The following ZNF48 variants were observed in gnomAD, a reference collection of about 807,000 sequenced individuals.
The protein encoded by ZNF48 is zinc finger protein 48, also known as zinc finger protein 553.
A neutral mutation model predicts 40.0 loss-of-function variants in ZNF48; 20 were observed. That is an observed-to-expected ratio of 0.50 (90% CI 0.35 to 0.73). The LOEUF is 0.73. Ranked by LOEUF, ZNF48 falls within the 30% of genes least tolerant of loss-of-function variation. ZNF48 has a pLI of 0.01. For synonymous variants in ZNF48, 298 were observed against 329.7 expected (o/e 0.90, Z 1.04); for missense variants, 726 against 851.9 (o/e 0.85, Z 1.84).
At position 30,397,192 on chromosome 16, in the gene ZNF48, G is replaced by A; in HGVS notation, c.80-138G>A. 2 of 740,034 alleles carry A rather than the reference G, an allele frequency of 2.7e-6. No homozygotes were observed. Among genetic ancestry groups the A allele is most frequent in the Non-Finnish European group, 4.4e-6 (2 of 451,644 alleles). The allele number at this position is 740,034 out of a possible 1,614,324, so 45.8% of individuals were successfully genotyped here. On this transcript the variant is annotated intron_variant, in intron 2 of 2. Transcript: ENST00000613509. This position sits in a 1 kb window ranked among gnomAD's most constrained non-coding sequence, Gnocchi z 4.1. ...TTATTGAGAGGCACAGATAGTAAGT[G>A]CACCAGAGGTTGAGAGGACAGAGAG...
At chr16:30,391,542 A>C (rs1361122305), upstream of ZNF48, among the ~76,000 whole-genome samples, 2 of 144,614 alleles carry the variant, frequency 1.4e-5, no homozygotes, top group African/African-American at 2.6e-5. Context: ...GTTGCCCAGA[A>C]CGGAATGCAG....
chr16:30,379,824 C>T lies in ZNF48; in HGVS notation c.-16+1414C>T, dbSNP rs548084031. 3 of 696,366 alleles carry T rather than the reference C, an allele frequency of 4.3e-6. No individual in the cohort carries two copies. The African/African-American group carries it at 5.3e-5, about 12-fold the overall frequency. The allele number at this position is 696,366 out of a possible 1,614,324, so 43.1% of individuals were successfully genotyped here. ...GTCTCGCCATGTTGCCCAGGCTGGT[C>T]TGGAACTCCTGACCTCAGGGGATCC... is the stretch of plus-strand genomic sequence containing the variant. On this transcript the variant is annotated intron_variant, in intron 1 of 2. Transcript: ENST00000528032.
At chr16:30,388,274 T>C (rs915386030) in intron 1 of ZNF48, among the ~76,000 whole-genome samples, 3 of 152,184 alleles carry the variant, frequency 2.0e-5, no homozygotes, top group African/African-American at 7.2e-5. Flanking sequence ...ACGCCAGGCC[T>C]GTTCTCTACA....
rs2049977838 is a variant in ZNF48, at chr16:30,395,770, C to G, written c.-15-10C>G. On this transcript the variant is annotated splice_polypyrimidine_tract_variant and intron_variant, in intron 1 of 2. Coordinates refer to ENST00000613509, the MANE Select transcript of ZNF48 (RefSeq NM_001214909.2). The surrounding 1 kb of genome is among the most constrained non-coding windows in gnomAD (Gnocchi z 5.9). ...CGTGACCGCGGGATGCTGTCTGTCC[C>G]CTTGCTCAGGGCGGCGTGCCGGCGA... The G allele has an allele frequency of 5.2e-6, 8 of 1,526,332 alleles. No individual in the cohort carries two copies. Among genetic ancestry groups the G allele is most frequent in the Non-Finnish European group, 7.0e-6 (8 of 1,138,570 alleles). 94.5% of individuals were successfully genotyped at this position (1,526,332 alleles called of 1,614,324 possible).
chr16:30,395,648 A>G lies in ZNF48; in HGVS notation c.-16+70A>G. On this transcript the variant is annotated intron_variant, in intron 1 of 2. Transcript: ENST00000613509. This position sits in a 1 kb window ranked among gnomAD's most constrained non-coding sequence, Gnocchi z 5.9. ...GCGGCCGGCGGCGCGGGCAGGGGGC[A>G]CCGGGAGCCGCGCCCGTACCTGGGA... is the stretch of plus-strand genomic sequence containing the variant. 1.2e-5 allele frequency: 7 copies of G among 581,438 alleles called. No individual in the cohort carries two copies. Among genetic ancestry groups the G allele is most frequent in the Non-Finnish European group, 1.7e-5 (7 of 423,640 alleles). The allele number at this position is 581,438 out of a possible 1,614,324, so 36.0% of individuals were successfully genotyped here.
At position 30,398,533 on chromosome 16, in the gene ZNF48, G is replaced by A. The variant is rs751313600; in HGVS notation, c.1283G>A (p.Gly428Asp). Residue 428 changes from glycine to aspartate, a missense_variant, in exon 3 of 3, where the codon GGC becomes GAC. Physicochemically the swap from Gly to Asp is moderately conservative, Grantham distance 94 (BLOSUM62 -1). Transcript: ENST00000613509. This position sits in a 1 kb window ranked among gnomAD's most constrained non-coding sequence, Gnocchi z 6.6. ...TCGGGTGAGCCTTTTGGCCTGCCTG[G>A]CTTGGAGCCAGAGCCTGGGGGCCCA... ...SHSGEPFGLP[G>D]LEPEPGGPQA... 6.2e-7 allele frequency: 1 copy of A among 1,606,100 alleles called. No homozygotes were observed. The highest frequency in any genetic ancestry group is 8.5e-7 in the Non-Finnish European group (1 of 1,176,388).
At chr16:30,387,290 C>T (rs2049909449) in intron 1 of ZNF48, among the ~76,000 whole-genome samples, 2 of 145,476 alleles carry the variant, frequency 1.4e-5, no homozygotes, top group South Asian at 2.3e-4. Context: ...CGCCATGGCT[C>T]ACTCCTGTAA....
At chr16:30,384,975 G>A (rs577293714) in intron 1 of ZNF48, among the ~76,000 whole-genome samples, 1 of 151,960 alleles carries the variant, frequency 6.6e-6, no homozygotes, top group African/African-American at 2.4e-5. Flanking sequence ...TCAGGAGTTC[G>A]AGACCAGCCT....
At position 30,381,821 on chromosome 16, in the gene ZNF48, T is replaced by G; in HGVS notation, c.-16+3411T>G. The G allele has an allele frequency of 1.2e-6, 2 of 1,614,138 alleles. No homozygotes were observed. The highest frequency in any genetic ancestry group is 1.7e-6 in the Non-Finnish European group (2 of 1,180,022). ...GTGTCCACAAGGGTCAGCTTCACTT[T>G]CACACCCCCTTCCTCAATCTCTACG... On this transcript the variant is annotated intron_variant, in intron 1 of 2. Coordinates refer to the ZNF48 transcript ENST00000528032. This position sits in a 1 kb window ranked among gnomAD's most constrained non-coding sequence, Gnocchi z 4.3.
At chr16:30,385,340 A>C (rs1371930308) in intron 1 of ZNF48, among the ~76,000 whole-genome samples, 1 of 151,924 alleles carries the variant, frequency 6.6e-6, no homozygotes, top group Non-Finnish European at 1.5e-5. Context: ...TAAAATTCTG[A>C]AATCAGCCGG....
At position 30,398,073 on chromosome 16, in the gene ZNF48, T is replaced by C; in HGVS notation, c.823T>C (p.Tyr275His). The C allele has an allele frequency of 6.2e-7, 1 of 1,613,278 alleles. No individual in the cohort carries two copies. Among genetic ancestry groups the C allele is most frequent in the Non-Finnish European group, 8.5e-7 (1 of 1,179,552 alleles). The change falls in exon 3 of 3, where the codon TAT (tyrosine) becomes CAT (histidine). Residue 275 changes from tyrosine (Y) to histidine (H), a missense_variant. Tyr to His is a moderately conservative substitution (Grantham distance 83). Transcript: ENST00000613509. The surrounding 1 kb of genome is among the most constrained non-coding windows in gnomAD (Gnocchi z 6.6). ...GGGACCGAAGGCCCAGGACAAGCCA[T>C]ATATCTGCACTGATTGCGGCAAGAG... ...TQGPKAQDKP[Y>H]ICTDCGKRFV...
Position 30,398,007 on chromosome 16 carries a change from C to G in ZNF48, c.757C>G (p.Pro253Ala). 1 of 1,612,772 alleles carries G rather than the reference C, an allele frequency of 6.2e-7. No homozygotes were observed. The highest frequency in any genetic ancestry group is 1.7e-4 in the Middle Eastern group (1 of 6,056). The stretch of plus-strand genomic sequence containing the variant: ...GGAGCAGCCCCCCCGACCAGTGGTG[C>G]CCCGACGGCAGCCATCTCGGGCAGC... ...RGEQPPRPVV[P>A]RRQPSRAATA... Residue 253 changes from proline to alanine, a missense_variant, in exon 3 of 3, where the codon CCC (proline) becomes GCC (alanine). Pro to Ala is a conservative substitution (Grantham distance 27). Transcript: ENST00000613509. This position sits in a 1 kb window ranked among gnomAD's most constrained non-coding sequence, Gnocchi z 6.6.
chr16:30,382,939 G>A lies in ZNF48; in HGVS notation c.-16+4529G>A, dbSNP rs899344707. On this transcript the variant is annotated intron_variant, in intron 1 of 2. Coordinates refer to the ZNF48 transcript ENST00000528032. The surrounding 1 kb of genome is among the most constrained non-coding windows in gnomAD (Gnocchi z 4.8). Reference sequence around the variant, plus strand: ...CTGTAATCTCAGCACTTTGGGAGGCGGAGGAGGGAGGACAGCTTGAGCCAA... The same window carrying A: ...CTGTAATCTCAGCACTTTGGGAGGCAGAGGAGGGAGGACAGCTTGAGCCAA... 8.6e-6 allele frequency: 6 copies of A among 700,892 alleles called. No homozygotes were observed. The highest frequency in any genetic ancestry group is 2.7e-5 in the East Asian group (1 of 36,868). 43.4% of individuals were successfully genotyped at this position (700,892 alleles called of 1,614,324 possible). A position where few individuals can be genotyped will look rare whatever the true frequency, so the allele number is the denominator to read the frequency against.
chr16:30,398,153 G>A lies in ZNF48; in HGVS notation c.903G>A (p.Lys301=). Residue 301 remains lysine (K), a synonymous_variant, in exon 3 of 3, where the codon AAG becomes AAA. Transcript: ENST00000613509. This position sits in a 1 kb window ranked among gnomAD's most constrained non-coding sequence, Gnocchi z 6.6. ...ACCAGCGTAGTCACTTGGGGCCCAAGCCCTTTGGCTGTGATGTGTGTGGAA... is the reference window on the plus strand; with the variant it reads ...ACCAGCGTAGTCACTTGGGGCCCAAACCCTTTGGCTGTGATGTGTGTGGAA... ...LSHQRSHLGP[K]PFGCDVCGKE... The A allele has an allele frequency of 6.2e-7, 1 of 1,613,932 alleles. No individual in the cohort carries two copies.
At position 30,398,632 on chromosome 16, in the gene ZNF48, G is replaced by T; in HGVS notation, c.1382G>T (p.Arg461Leu). 1.9e-6 allele frequency: 3 copies of T among 1,613,206 alleles called. No individual in the cohort carries two copies. The highest frequency in any genetic ancestry group is 8.5e-7 in the Non-Finnish European group (1 of 1,179,962). ...TGCCCTGAGTGTGGCAAGGGCTTCC[G>T]CCGAAGCTCTGACCTGGTGAAACAC... ...HKCPECGKGF[R>L]RSSDLVKHHR... The change falls in exon 3 of 3, where the codon CGC (arginine) becomes CTC (leucine). Residue 461 changes from arginine (R) to leucine (L), a missense_variant. By Grantham distance (102) the Arg-to-Leu change is moderately radical (BLOSUM62 -2). Coordinates refer to ENST00000613509, the MANE Select transcript of ZNF48 (RefSeq NM_001214909.2). The surrounding 1 kb of genome is among the most constrained non-coding windows in gnomAD (Gnocchi z 6.6).
rs373569524 is a variant in ZNF48 at position 30,382,203 on chromosome 16, G to C, written c.-16+3793G>C. The stretch of plus-strand genomic sequence containing the variant: ...CCCTGTGGACAGAACAGGCCCAACT[G>C]GTCAGGGGAGGGGACAGCCAGGGCC... On this transcript the variant is annotated intron_variant, in intron 1 of 2. Coordinates refer to the ZNF48 transcript ENST00000528032. The surrounding 1 kb of genome is among the most constrained non-coding windows in gnomAD (Gnocchi z 4.8). 389 of 1,612,624 alleles carry C rather than the reference G, an allele frequency of 2.4e-4. 1 individual carries two copies. The highest frequency in any genetic ancestry group is 3.2e-4 in the Non-Finnish European group (373 of 1,179,090).
chr16:30,385,627 A>T (rs2049895277), intron 1 of ZNF48, among the ~76,000 whole-genome samples: 1 of 151,882 alleles, frequency 6.6e-6, no homozygotes, highest in African/African-American at 2.4e-5. Flanking sequence ...CTGTCTCAAA[A>T]AAAAGGAAAA....
chr16:30,381,510 AG>A lies in ZNF48; in HGVS notation c.-16+3102del. On this transcript the variant is annotated intron_variant, in intron 1 of 2. Coordinates refer to the ZNF48 transcript ENST00000528032. This position sits in a 1 kb window ranked among gnomAD's most constrained non-coding sequence, Gnocchi z 4.3. ...GAGAGGATGTGAGGTCAGAGATCAAAGGCCAGAGGGCAGGGGGCAAGGCTAG... is the reference window on the plus strand; with the variant it reads ...GAGAGGATGTGAGGTCAGAGATCAAAGCCAGAGGGCAGGGGGCAAGGCTAG... The A allele has an allele frequency of 6.2e-7, 1 of 1,612,436 alleles. No homozygotes were observed. Among genetic ancestry groups the A allele is most frequent in the Non-Finnish European group, 8.5e-7 (1 of 1,178,908 alleles).
rs2151119998 is a variant in ZNF48, at chr16:30,399,717, T to TA, written c.*611dup. The TA allele has an allele frequency of 1.3e-5, 2 of 152,698 alleles. No homozygotes were observed. Among genetic ancestry groups the TA allele is most frequent in the South Asian group, 4.1e-4 (2 of 4,840 alleles). 9.5% of individuals were successfully genotyped at this position (152,698 alleles called of 1,614,324 possible). A position where few individuals can be genotyped will look rare whatever the true frequency, so the allele number is the denominator to read the frequency against. ...CAAATACTGCTGTGTGGCATGGTGGTACCCACCCCTATGGAGGGGCACTCT... is the reference window on the plus strand; with the variant it reads ...CAAATACTGCTGTGTGGCATGGTGGTAACCCACCCCTATGGAGGGGCACTCT... On this transcript the variant is annotated 3_prime_UTR_variant, in exon 3 of 3. Coordinates refer to ENST00000613509, the MANE Select transcript of ZNF48 (RefSeq NM_001214909.2).
Sources: gnomAD v4.1 joint callset for allele counts (sites outside exome capture counted in the v4.1 genomes callset) on GRCh38, gnomAD v4.1.1 for gene constraint, Gnocchi (gnomAD v3.1) non-coding constraint, MANE v1.5 for transcripts, NCBI Gene and HGNC (gene_info 2026-07-23, HGNC 2026-07-21) for gene names.